The following AKNA variants were observed in gnomAD, a reference collection of about 807,000 sequenced individuals.
AKNA encodes the protein AT-hook transcription factor.
Under a neutral mutation model 138.8 loss-of-function variants are expected in AKNA, and 67 were observed. The ratio of observed to expected loss-of-function variants is 0.48; its 90% confidence interval spans 0.40 to 0.59. The LOEUF is 0.59. Among genes scored for constraint, AKNA ranks in the 20% least tolerant of loss-of-function variants. The pLI, the probability that AKNA is intolerant of heterozygous loss-of-function variation, is 0.00. For synonymous variants in AKNA, 737 were observed against 754.4 expected (o/e 0.98, Z 0.38); for missense variants, 1,813 against 1,880.4 (o/e 0.96, Z 0.66).
intron 3 of AKNA, among the ~76,000 whole-genome samples, chr9:114,375,555 C>G (rs1011567341): frequency 1.3e-5 from 2 of 151,964 alleles, no homozygotes; most frequent in African/African-American, 4.8e-5. Flanking sequence ...TTTAGGTGAC[C>G]ATGGTATGTG....
chr9:114,373,775 AC>A (rs1433135809), intron 4 of AKNA, among the ~76,000 whole-genome samples: 1 of 151,244 alleles, frequency 6.6e-6, no homozygotes, highest in Non-Finnish European at 1.5e-5. Context: ...ATTCCCAGCT[AC>A]CAGGGAGGCT....
chr9:114,381,169 G>A lies in AKNA; in HGVS notation c.165C>T (p.Leu55=), dbSNP rs372816821. The part of the protein sequence containing the change: ...RLFPNATSPE[L]LEDFRLAQQH... ...GCTGGGCCAGGCGGAAGTCCTCTAGGAGCTCGGGGCTGGTGGCATTGGGAA... is the reference window on the plus strand; with the variant it reads ...GCTGGGCCAGGCGGAAGTCCTCTAGAAGCTCGGGGCTGGTGGCATTGGGAA... Residue 55 remains leucine, a synonymous_variant, in exon 2 of 22, where the codon CTC becomes CTT. Transcript: ENST00000374088. The A allele has an allele frequency of 6.2e-6, 10 of 1,613,342 alleles. No individual in the cohort carries two copies. Among genetic ancestry groups the A allele is most frequent in the African/African-American group, 1.3e-5 (1 of 74,262 alleles).
In AKNA at chr9:114,387,944, C is replaced by T. The variant is rs1413563146; in HGVS notation, c.-198G>A. 2.2e-6 allele frequency: 1 copy of T among 448,146 alleles called. No individual in the cohort carries two copies. Among genetic ancestry groups the T allele is most frequent in the African/African-American group, 2.0e-5 (1 of 49,960 alleles). 27.8% of individuals were successfully genotyped at this position (448,146 alleles called of 1,614,324 possible). ...CTTTGTTCCAAACCCAGGGAGCCCC[C>T]TGTCTCCATTGCGCCCTGGCCCACC... On this transcript the variant is annotated 5_prime_UTR_variant, in exon 1 of 22. Transcript: ENST00000374088.
In AKNA at chr9:114,356,059, G is replaced by A; in HGVS notation, c.2924C>T (p.Ser975Phe). 6.2e-7 allele frequency: 1 copy of A among 1,614,184 alleles called. No individual in the cohort carries two copies. Among genetic ancestry groups the A allele is most frequent in the Middle Eastern group, 1.7e-4 (1 of 6,060 alleles). ...DGASYPKARG[S>F]LIPRRATEPS... ...CTCTGTGGCTCTTCTGGGAATCAGAGAACCCCTGGCCTTGGGGTAGGAAGC... is the reference window on the plus strand; with the variant it reads ...CTCTGTGGCTCTTCTGGGAATCAGAAAACCCCTGGCCTTGGGGTAGGAAGC... The change falls in exon 14 of 22, where the codon TCT becomes TTT. Residue 975 changes from serine (S) to phenylalanine (F), a missense_variant. Transcript: ENST00000374088.
upstream of AKNA, chr9:114,394,429 A>G (rs1401047287): frequency 6.6e-6 from 1 of 152,160 alleles, no homozygotes. Context: ...GGCGAAATGT[A>G]TCGTTGGGTT....
At position 114,357,911 on chromosome 9, in the gene AKNA, G is replaced by A. The variant is rs752079290; in HGVS notation, c.2739+10C>T. 1.3e-6 allele frequency: 2 copies of A among 1,595,846 alleles called. No homozygotes were observed. The highest frequency in any genetic ancestry group is 2.3e-5 in the South Asian group (2 of 88,436). ...AGGTTCTGGGCCCATTCCCCCATGT[G>A]GAGACTTACCTCCAGGTGGGGCCCA... On this transcript the variant is annotated intron_variant, in intron 12 of 21. Coordinates refer to ENST00000374088, the MANE Select transcript of AKNA (RefSeq NM_001317950.2).
intron 4 of AKNA, among the ~76,000 whole-genome samples, chr9:114,373,374 G>C (rs577270656): frequency 2.9e-4 from 44 of 152,272 alleles, no homozygotes; most frequent in Admixed American, 2.6e-4. Flanking sequence ...GTGGTGAGGT[G>C]GTGGGGAGGG....
At chr9:114,339,765 A>G (rs1206742144) in intron 21 of AKNA, among the ~76,000 whole-genome samples, 1 of 152,184 alleles carries the variant, frequency 6.6e-6, no homozygotes, top group Non-Finnish European at 1.5e-5. Flanking sequence ...AAGATTCCTT[A>G]GCGACTTGCT....
At chr9:114,356,752 C>T in intron 13 of AKNA, 111 bp downstream of exon 13, 2 of 940,322 alleles carry the variant, frequency 2.1e-6, no homozygotes, top group South Asian at 3.8e-5. Flanking sequence ...AAATGAGGGC[C>T]TACGAATGGA....
In AKNA at chr9:114,354,570, A is replaced by G. The variant is rs1831353817; in HGVS notation, c.3058+1355T>C. 2.6e-5 allele frequency among the ~76,000 whole-genome samples: 4 copies of G among 152,060 alleles called. No homozygotes were observed. In the South Asian group the frequency reaches 8.3e-4, roughly 32 times the overall value. The stretch of plus-strand genomic sequence containing the variant: ...CTACTAAAAATACAAAAAATTAGCC[A>G]GGCATGGTGGTGGGCGCCTGTAGTC... On this transcript the variant is annotated intron_variant, in intron 14 of 21. Coordinates refer to ENST00000374088, the MANE Select transcript of AKNA (RefSeq NM_001317950.2).
rs559941052 is a variant in AKNA at position 114,350,702 on chromosome 9, G to A, written c.3221+157C>T. Among the ~76,000 whole-genome samples, 12 of 152,168 alleles carry A rather than the reference G, an allele frequency of 7.9e-5. No individual in the cohort carries two copies. In the South Asian group the frequency reaches 1.5e-3, roughly 18 times the overall value. ...TAGATCAATGAGGTCCCACAGAAAC[G>A]CTGGGAACTGGGAGGCAGGACACCT... On this transcript the variant is annotated intron_variant, in intron 15 of 21. Coordinates refer to ENST00000374088, the MANE Select transcript of AKNA (RefSeq NM_001317950.2).
intron 9 of AKNA, 147 bp from the exon 10 acceptor site, chr9:114,360,209 TA>T: frequency 2.1e-6 from 2 of 931,902 alleles, no homozygotes; most frequent in South Asian, 3.1e-5. Context: ...TATGTATGTG[TA>T]AACTATGGAG....
intron 12 of AKNA, among the ~76,000 whole-genome samples, chr9:114,357,399 C>T (rs1240033024): frequency 6.6e-6 from 1 of 152,240 alleles, no homozygotes; most frequent in African/African-American, 2.4e-5. Flanking sequence ...AGGTCCTACC[C>T]GCTGGGTTTA....
chr9:114,380,879 A>ACGCTGAG (rs1833600350), intron 2 of AKNA, among the ~76,000 whole-genome samples, 181 bp downstream of exon 2: 1 of 150,846 alleles, frequency 6.6e-6, no homozygotes. Context: ...GCTACTCGGG[A>ACGCTGAG]CGCTGAGGCA....
chr9:114,337,026 C>G lies in AKNA; in HGVS notation c.*28G>C. 1 of 612,716 alleles carries G rather than the reference C, an allele frequency of 1.6e-6. No individual in the cohort carries two copies. 38.0% of individuals were successfully genotyped at this position (612,716 alleles called of 1,614,324 possible). A position where few individuals can be genotyped will look rare whatever the true frequency, so the allele number is the denominator to read the frequency against. On this transcript the variant is annotated 3_prime_UTR_variant, in exon 22 of 22. Transcript: ENST00000374088. ...GGCAGGCCACCTGCCCACCCACCCA[C>G]CCATCTGCCTCTGGGCCCCCAGTGA...
At chr9:114,368,715 AGT>A (rs1167276929) in intron 4 of AKNA, 120 bp from the exon 5 acceptor site, 36 of 905,974 alleles carry the variant, frequency 4.0e-5, no homozygotes, top group Non-Finnish European at 5.3e-5. Flanking sequence ...ACCATCTTTC[AGT>A]GCAGCCCTTG....
upstream of AKNA, among the ~76,000 whole-genome samples, chr9:114,397,229 C>T (rs544469639): frequency 1.7e-4 from 26 of 152,306 alleles, no homozygotes; most frequent in African/African-American, 6.0e-4. Flanking sequence ...GTTCCGCTCC[C>T]CTGTTTGTTA....
At chr9:114,384,716 C>T (rs1463401452) in intron 1 of AKNA, among the ~76,000 whole-genome samples, 2 of 152,190 alleles carry the variant, frequency 1.3e-5, no homozygotes, top group Admixed American at 6.5e-5. Flanking sequence ...AGAAAATATG[C>T]ATTAACCAAC....
chr9:114,345,836 C>G (rs967351108), intron 18 of AKNA, 27 bp downstream of exon 18: 2 of 1,611,008 alleles, frequency 1.2e-6, no homozygotes, highest in Non-Finnish European at 8.5e-7. Flanking sequence ...GGAGCTGCAC[C>G]CATCCCGGCC....
Sources: allele counts gnomAD v4.1 joint callset (sites outside exome capture counted in the v4.1 genomes callset), GRCh38; gene constraint gnomAD v4.1.1; transcripts MANE v1.5; gene names NCBI Gene and HGNC (gene_info 2026-07-23, HGNC 2026-07-21).